The following SLC17A1 variants were observed in gnomAD, a reference collection of about 807,000 sequenced individuals.
SLC17A1 encodes the protein sodium-dependent phosphate transport protein 1.
Under a neutral mutation model 53.5 loss-of-function variants are expected in SLC17A1, and 51 were observed. The ratio of observed to expected loss-of-function variants is 0.95; its 90% CI spans 0.76 to 1.20. The LOEUF (loss-of-function observed/expected upper bound fraction) is 1.20, where lower values mean the gene tolerates loss of function less well. SLC17A1 is among the 50% of genes most tolerant of loss of function. The pLI is 0.00. For synonymous variants in SLC17A1, 179 were observed against 198.8 expected, an observed-to-expected ratio of 0.90 and a Z score of 0.84; for missense variants, 538 against 568.2, an observed-to-expected ratio of 0.95 and a Z score of 0.54.
At chr6:25,780,319 T>G (rs1411430714), downstream of SLC17A1, 1 of 152,210 alleles carries the variant, frequency 6.6e-6, no homozygotes, top group African/African-American at 2.4e-5. Flanking sequence ...CAAGTGAATA[T>G]GTAATAACAA....
intron 6 of SLC17A1, among the ~76,000 whole-genome samples, chr6:25,816,848 ATT>A (rs5875070): frequency 3.4e-4 from 49 of 142,180 alleles, no homozygotes; most frequent in Admixed American, 6.3e-4. Context: ...TGGCCAGGCC[ATT>A]TTTTTTTTTT....
chr6:25,760,024 T>C, the SLC17A1 span, among the ~76,000 whole-genome samples: 1 of 152,208 alleles, frequency 6.6e-6, no homozygotes, highest in South Asian at 2.1e-4. Context: ...GTACACACCG[T>C]GAAGCAGCAA....
intron 12 of SLC17A1, among the ~76,000 whole-genome samples, chr6:25,796,798 C>T (rs1235850976): frequency 6.6e-6 from 1 of 152,176 alleles, no homozygotes; most frequent in South Asian, 2.1e-4. Context: ...ATCATCTGCT[C>T]ATAATGATAA....
At chr6:25,807,389 C>T (rs1266539427) in intron 10 of SLC17A1, among the ~76,000 whole-genome samples, 1 of 152,112 alleles carries the variant, frequency 6.6e-6, no homozygotes, top group Non-Finnish European at 1.5e-5. Flanking sequence ...TTTGCAGTAA[C>T]TTGGATGAAG....
At chr6:25,735,914 G>C in the SLC17A1 span, among the ~76,000 whole-genome samples, 8 of 152,180 alleles carry the variant, frequency 5.3e-5, no homozygotes, top group Non-Finnish European at 1.2e-4. Context: ...TGCCACCCAA[G>C]CTGAGCCAGT....
At chr6:25,726,597 T>C in the SLC17A1 span, 70 of 1,519,220 alleles carry the variant, frequency 4.6e-5, no homozygotes, top group East Asian at 1.4e-3. Flanking sequence ...ATTTATAGTC[T>C]GACTGAGGTT....
chr6:25,778,974 G>C, downstream of SLC17A1: 1 of 1,569,116 alleles, frequency 6.4e-7, no homozygotes, highest in Non-Finnish European at 8.7e-7. Flanking sequence ...GGAGCAGGAG[G>C]ACACAGAGCC....
chr6:25,785,874 G>A (rs566714753), intron 12 of SLC17A1, among the ~76,000 whole-genome samples: 63 of 152,198 alleles, frequency 4.1e-4, no homozygotes, highest in Non-Finnish European at 7.9e-4. Context: ...CATTGCTGGT[G>A]AGAATGTAAA....
At chr6:25,763,100 C>T in the SLC17A1 span, among the ~76,000 whole-genome samples, 1 of 152,166 alleles carries the variant, frequency 6.6e-6, no homozygotes, top group Non-Finnish European at 1.5e-5. Flanking sequence ...CACCTTTGGG[C>T]AGTCATTGGA....
At position 25,817,128 on chromosome 6, in the gene SLC17A1, C is replaced by A. The variant is rs3778275; in HGVS notation, c.616+1940G>T. Reference sequence around the variant, plus strand: ...CAACCCAAAGTGCTGGGATTACAGGCGTGAGCCACTGTGCCCAGCTGGCCA... The same window carrying A: ...CAACCCAAAGTGCTGGGATTACAGGAGTGAGCCACTGTGCCCAGCTGGCCA... On this transcript the variant is annotated intron_variant, in intron 6 of 12. Coordinates refer to ENST00000244527, the MANE Select transcript of SLC17A1 (RefSeq NM_005074.5). 8.9e-3 allele frequency among the ~76,000 whole-genome samples: 1,337 copies of A among 150,050 alleles called. 25 individuals are homozygous for A. Among genetic ancestry groups the A allele is most frequent in the East Asian group, 0.072 (356 of 4,922 alleles).
At chr6:25,732,663 G>A in the SLC17A1 span, 1 of 1,341,312 alleles carries the variant, frequency 7.5e-7, no homozygotes, top group Non-Finnish European at 1.0e-6. Context: ...AAGAAGACCC[G>A]CATCATCCCG....
chr6:25,740,043 T>G, the SLC17A1 span, among the ~76,000 whole-genome samples: 1 of 152,196 alleles, frequency 6.6e-6, no homozygotes, highest in African/African-American at 2.4e-5. Context: ...GCCTTGCACC[T>G]TCCTGTGAAC....
chr6:25,827,843 A>G (rs1764807863), intron 2 of SLC17A1, among the ~76,000 whole-genome samples: 1 of 152,148 alleles, frequency 6.6e-6, no homozygotes, highest in African/African-American at 2.4e-5. Flanking sequence ...ACTACAGTCC[A>G]CCATCTGGCC....
intron 12 of SLC17A1, among the ~76,000 whole-genome samples, chr6:25,794,693 C>T (rs566245542): frequency 2.6e-4 from 40 of 152,190 alleles, no homozygotes; most frequent in African/African-American, 9.4e-4. Flanking sequence ...ACTCATGAAC[C>T]CGGTACATTC....
chr6:25,779,193 AC>A, downstream of SLC17A1: 1 of 1,613,088 alleles, frequency 6.2e-7, no homozygotes, highest in Non-Finnish European at 8.5e-7. Flanking sequence ...CTCTGAGCAA[AC>A]CGAGAGATGT....
At chr6:25,805,294 T>C (rs534779965) in intron 10 of SLC17A1, among the ~76,000 whole-genome samples, 38 of 152,166 alleles carry the variant, frequency 2.5e-4, no homozygotes, top group African/African-American at 8.2e-4. Flanking sequence ...TGCTCCAGAA[T>C]GGGTTTTGGG....
intron 11 of SLC17A1, 123 bp from the exon 12 acceptor site, chr6:25,799,042 T>TA: frequency 1.2e-6 from 1 of 826,484 alleles, no homozygotes; most frequent in Non-Finnish European, 1.8e-6. Flanking sequence ...AAAACATACT[T>TA]ATACATAGCC....
Position 25,830,515 on chromosome 6 carries a change from A to C in SLC17A1, c.34+9T>G. 6.2e-7 allele frequency: 1 copy of C among 1,603,276 alleles called. No individual in the cohort carries two copies. The highest frequency in any genetic ancestry group is 1.1e-5 in the South Asian group (1 of 90,824). On this transcript the variant is annotated intron_variant, in intron 2 of 12. Transcript: ENST00000244527. ...AACACCTGTTTAATGGAACAGAATA[A>C]AGTGCTACCTTTTTTGGGAGGCAAC...
intron 2 of SLC17A1, among the ~76,000 whole-genome samples, chr6:25,829,694 G>A (rs956245046): frequency 1.3e-5 from 2 of 152,098 alleles, no homozygotes; most frequent in Non-Finnish European, 2.9e-5. Flanking sequence ...TAAAGTGTTT[G>A]GGATTGAGTA....
Sources: gnomAD v4.1 joint callset for allele counts (sites outside exome capture counted in the v4.1 genomes callset) on GRCh38, gnomAD v4.1.1 for gene constraint, MANE v1.5 for transcripts, NCBI Gene and HGNC (gene_info 2026-07-23, HGNC 2026-07-21) for gene names.